Variants in HDAC9 observed in about 807,000 individuals in gnomAD.
HDAC9 encodes the protein MEF-2 interacting transcription repressor (MITR) protein.
Under a neutral mutation model 139.4 loss-of-function variants are expected in HDAC9, and 41 were observed. The ratio of observed to expected loss-of-function variants is 0.29; its 90% CI spans 0.23 to 0.38. The LOEUF (loss-of-function observed/expected upper bound fraction) is 0.38, where lower values mean the gene tolerates loss of function less well. HDAC9 is among the 10% of genes least tolerant of loss of function. The pLI is 1.00. For missense variants in HDAC9, 1,147 were observed against 1,297.0 expected (o/e 0.88, Z 1.78); for synonymous variants, 517 against 476.2 (o/e 1.09, Z -1.12).
rs112902657 is a variant in HDAC9 at position 18,622,866 on chromosome 7, G to A, written c.665-6484G>A. 3.2e-3 allele frequency among the ~76,000 whole-genome samples: 484 copies of A among 151,792 alleles called. 4 individuals carry two copies. The highest frequency in any genetic ancestry group is 0.011 in the African/African-American group (455 of 41,422). On this transcript the variant is annotated intron_variant, in intron 6 of 25. Transcript: ENST00000686413. ...CTAGGATTAAGAGTGAACAGAGGCC[G>A]GGTACAGTGGCTCACATCTGTAATC... is the stretch of plus-strand genomic sequence containing the variant.
At chr7:18,264,628 G>A (rs1456858243) in intron 2 of HDAC9, among the ~76,000 whole-genome samples, 1 of 152,130 alleles carries the variant, frequency 6.6e-6, no homozygotes, top group East Asian at 1.9e-4. Context: ...GACATTAAAA[G>A]GCTAACAATT....
intron 22 of HDAC9, among the ~76,000 whole-genome samples, chr7:18,909,906 G>GT (rs935129766): frequency 9.4e-4 from 143 of 151,348 alleles, no homozygotes; most frequent in African/African-American, 2.4e-3. Flanking sequence ...TTTAGCTTTC[G>GT]TTTTTTTTGT....
chr7:18,975,656 C>T (rs1422471865), intron 24 of HDAC9, 150 bp from the exon 25 acceptor site: 5 of 704,554 alleles, frequency 7.1e-6, no homozygotes, highest in Admixed American at 2.9e-5. Flanking sequence ...GAAAAAGACC[C>T]AATCATAACA....
At chr7:18,221,140 T>C (rs2128175606) in intron 2 of HDAC9, among the ~76,000 whole-genome samples, 1 of 150,290 alleles carries the variant, frequency 6.7e-6, no homozygotes, top group Non-Finnish European at 1.5e-5. Context: ...TTCACTCTTT[T>C]TGCCCAGGCT....
intron 12 of HDAC9, among the ~76,000 whole-genome samples, chr7:18,699,833 C>CA (rs1194823581): frequency 1.3e-5 from 2 of 152,016 alleles, no homozygotes; most frequent in Non-Finnish European, 2.9e-5. Context: ...TCCATAAAAT[C>CA]TTTTACTATT....
chr7:18,431,785 T>C (rs1790694417), intron 1 of HDAC9, among the ~76,000 whole-genome samples: 1 of 152,226 alleles, frequency 6.6e-6, no homozygotes, highest in Non-Finnish European at 1.5e-5. Context: ...GAATTTCATA[T>C]CAATTCCTTC....
intron 17 of HDAC9, among the ~76,000 whole-genome samples, chr7:18,826,082 G>A (rs1221485234): frequency 2.6e-5 from 4 of 152,082 alleles, no homozygotes; most frequent in African/African-American, 7.2e-5. Flanking sequence ...ACAGATTTTA[G>A]AAGGACTAAC....
chr7:18,168,142 T>C (rs918468347), intron 2 of HDAC9, among the ~76,000 whole-genome samples: 28 of 152,194 alleles, frequency 1.8e-4, no homozygotes, highest in African/African-American at 6.3e-4. Context: ...GTAAAATGTA[T>C]GCTGAATATT....
At chr7:18,107,622 A>G (rs781394711) in intron 1 of HDAC9, among the ~76,000 whole-genome samples, 4 of 152,302 alleles carry the variant, frequency 2.6e-5, no homozygotes, top group South Asian at 2.1e-4. Flanking sequence ...TTCTCAACCT[A>G]TACACCTGAG....
At chr7:18,959,128 G>A (rs141995615) in intron 24 of HDAC9, among the ~76,000 whole-genome samples, 5 of 152,222 alleles carry the variant, frequency 3.3e-5, no homozygotes, top group Non-Finnish European at 4.4e-5. Flanking sequence ...CATGGTGGGC[G>A]CCAGAGTTCT....
At chr7:18,359,888 T>C (rs1585362280) in intron 1 of HDAC9, among the ~76,000 whole-genome samples, 1 of 152,110 alleles carries the variant, frequency 6.6e-6, no homozygotes, top group Admixed American at 6.6e-5. Context: ...AGAATACAGG[T>C]GTGAGCCACC....
chr7:18,138,311 T>A (rs1171731993), intron 1 of HDAC9, among the ~76,000 whole-genome samples: 1 of 152,094 alleles, frequency 6.6e-6, no homozygotes, highest in Non-Finnish European at 1.5e-5. Context: ...CCTGATCTAT[T>A]AATACCTGTG....
At chr7:18,156,502 G>C (rs540897988) in intron 1 of HDAC9, among the ~76,000 whole-genome samples, 1 of 152,266 alleles carries the variant, frequency 6.6e-6, no homozygotes, top group South Asian at 2.1e-4. Context: ...AAGTGATTCT[G>C]CCTCAAAGTT....
At chr7:18,753,877 C>T (rs1168376410) in intron 14 of HDAC9, among the ~76,000 whole-genome samples, 1 of 152,054 alleles carries the variant, frequency 6.6e-6, no homozygotes, top group Non-Finnish European at 1.5e-5. Context: ...AGCTGTAATA[C>T]TGTCTGACAC....
At chr7:18,603,358 C>CT (rs1380759163) in intron 6 of HDAC9, among the ~76,000 whole-genome samples, 2 of 152,010 alleles carry the variant, frequency 1.3e-5, no homozygotes, top group East Asian at 3.9e-4. Flanking sequence ...ATTATATTTA[C>CT]TTTTTTAAAA....
chr7:18,585,500 C>G lies in HDAC9; in HGVS notation c.242C>G (p.Ala81Gly). Residue 81 changes from alanine (A) to glycine (G), a missense_variant, in exon 3 of 26, where the codon GCT (alanine) becomes GGT (glycine). This residue lies in a region of HDAC9 where 136 missense variants were observed against 183.5 expected (regional missense o/e 0.74). Coordinates refer to ENST00000686413, the MANE Select transcript of HDAC9 (RefSeq NM_178425.4). ...GAGAACTTGACACGGCAGCACCAGG[C>G]TCAGCTTCAGGAGCATATCAAGGTA... Reference protein sequence around the residue: ...QHENLTRQHQAQLQEHIKLQQ... With the variant: ...QHENLTRQHQGQLQEHIKLQQ... 1 of 1,613,778 alleles carries G rather than the reference C, an allele frequency of 6.2e-7. No individual in the cohort carries two copies. Among genetic ancestry groups the G allele is most frequent in the Non-Finnish European group, 8.5e-7 (1 of 1,179,770 alleles).
Position 18,647,925 on chromosome 7 carries a change from C to T in HDAC9, c.1176C>T (p.Asn392=), listed in dbSNP as rs1186903413. 7 of 1,612,816 alleles carry T rather than the reference C, an allele frequency of 4.3e-6. No homozygotes were observed. The highest frequency in any genetic ancestry group is 5.1e-6 in the Non-Finnish European group (6 of 1,179,484). The change falls in exon 10 of 26, where the codon AAC becomes AAT. Residue 392 remains asparagine, a synonymous_variant. Coordinates refer to ENST00000686413, the MANE Select transcript of HDAC9 (RefSeq NM_178425.4). ...TTACTTTAGAGGGAAAGCCACCCAA[C>T]AGCAGCCACCAGGCTCTCCTGCAGC... The part of the protein sequence containing the change: ...PHVTLEGKPP[N]SSHQALLQHL...
intron 22 of HDAC9, among the ~76,000 whole-genome samples, chr7:18,880,907 A>G (rs550464919): frequency 6.6e-5 from 10 of 152,144 alleles, no homozygotes; most frequent in Non-Finnish European, 1.5e-4. Flanking sequence ...TTTAAACAGA[A>G]AATTGTATTT....
At chr7:18,428,485 A>G (rs757694927) in intron 1 of HDAC9, among the ~76,000 whole-genome samples, 1 of 152,226 alleles carries the variant, frequency 6.6e-6, no homozygotes, top group Non-Finnish European at 1.5e-5. Flanking sequence ...TCCAAAGAAG[A>G]CATACACATG....
Sources: gnomAD v4.1 joint callset for allele counts (sites outside exome capture counted in the v4.1 genomes callset) on GRCh38, gnomAD v4.1.1 for gene constraint, gnomAD v4.1.1 regional missense constraint, MANE v1.5 for transcripts, NCBI Gene and HGNC (gene_info 2026-07-23, HGNC 2026-07-21) for gene names.